The following PJVK variants were observed in gnomAD, a reference collection of about 807,000 sequenced individuals.
PJVK encodes autosomal recessive deafness type 59 protein.
Under a neutral mutation model 37.6 loss-of-function variants are expected in PJVK, and 33 were observed. The ratio of observed to expected loss-of-function variants is 0.88; its 90% confidence interval spans 0.67 to 1.17. PJVK has a LOEUF of 1.17. Ranked by LOEUF, PJVK falls within the 50% of genes most tolerant of loss-of-function variation. The pLI, the probability that PJVK is intolerant of heterozygous loss-of-function variation, is 0.00. For synonymous variants in PJVK, 141 were observed against 143.5 expected (o/e 0.98, Z 0.13); for missense variants, 410 against 413.8 (o/e 0.99, Z 0.08).
chr2:178,461,664 A>C lies in PJVK; in HGVS notation c.*390A>C, dbSNP rs1437427854. ...CAGTGGCATGATCTCAGCTCACTGC[A>C]ACCTCTGCCTCCTGGGTTCAAGCAA... On this transcript the variant is annotated 3_prime_UTR_variant, in exon 7 of 7. Coordinates refer to ENST00000644580, the MANE Select transcript of PJVK (RefSeq NM_001042702.5). Among the ~76,000 whole-genome samples, 1 of 147,140 alleles carries C rather than the reference A, an allele frequency of 6.8e-6. No homozygotes were observed. Among genetic ancestry groups the C allele is most frequent in the Non-Finnish European group, 1.5e-5 (1 of 67,672 alleles).
chr2:178,452,654 A>T, intron 1 of PJVK: 1 of 983,678 alleles, frequency 1.0e-6, no homozygotes, highest in South Asian at 4.7e-5. Flanking sequence ...TAGCTGGGAT[A>T]ATAATGAAAC....
rs1197222324 is a variant in PJVK at position 178,451,435 on chromosome 2, G to A, written c.-357G>A. ...AGTTCTTTGTCCTTAGCAGGAGGCC[G>A]TTTCTTGCCGGGAGAGAGGGATTAG... On this transcript the variant is annotated 5_prime_UTR_variant, in exon 1 of 7. Transcript: ENST00000644580. 2 of 209,808 alleles carry A rather than the reference G, an allele frequency of 9.5e-6. No individual in the cohort carries two copies. The highest frequency in any genetic ancestry group is 2.3e-5 in the African/African-American group (1 of 42,830). The allele number at this position is 209,808 out of a possible 1,614,324, so 13.0% of individuals were successfully genotyped here.
At chr2:178,459,523 T>G (rs1684354726) in intron 5 of PJVK, among the ~76,000 whole-genome samples, 1 of 152,182 alleles carries the variant, frequency 6.6e-6, no homozygotes, top group Non-Finnish European at 1.5e-5. Context: ...CCTCAAGCAT[T>G]TATCCTTTGT....
rs901212935 is a variant in PJVK, at chr2:178,454,946, T to C, written c.407+419T>C. On this transcript the variant is annotated intron_variant, in intron 3 of 6. Transcript: ENST00000644580. ...TAGGCAACAGGGCAGACCTGCCTGA[T>C]TACCGCTGGACCAAGACCCTGTCGG... The C allele has an allele frequency of 4.3e-5, 39 of 904,952 alleles. No individual in the cohort carries two copies. The Middle Eastern group carries it at 1.1e-3, about 25-fold the overall frequency. 56.1% of individuals were successfully genotyped at this position (904,952 alleles called of 1,614,324 possible).
In PJVK at chr2:178,461,211, T is replaced by A; in HGVS notation, c.996T>A (p.Gly332=). 1 of 1,614,190 alleles carries A rather than the reference T, an allele frequency of 6.2e-7. No homozygotes were observed. The highest frequency in any genetic ancestry group is 8.5e-7 in the Non-Finnish European group (1 of 1,180,034). The change falls in exon 7 of 7, where the codon GGT becomes GGA. Residue 332 remains glycine (G), a synonymous_variant. Coordinates refer to ENST00000644580, the MANE Select transcript of PJVK (RefSeq NM_001042702.5). The part of the protein sequence containing the change: ...VYGCFQCSVD[G]QKYVRLHAVP... The stretch of plus-strand genomic sequence containing the variant: ...GGTGCTTTCAGTGTTCTGTTGATGG[T>A]CAGAAGTATGTGAGACTTCATGCAG...
At chr2:178,458,381 C>T in intron 4 of PJVK, 129 bp from the exon 5 acceptor site, 1 of 705,902 alleles carries the variant, frequency 1.4e-6, no homozygotes, top group East Asian at 2.8e-5. Context: ...TTAATTCAAG[C>T]AGAATAATCC....
intron 6 of PJVK, 46 bp from the exon 7 acceptor site, chr2:178,460,936 T>A (rs766607837): frequency 6.3e-7 from 1 of 1,580,162 alleles, no homozygotes; most frequent in African/African-American, 1.3e-5. Context: ...TATGTATTTT[T>A]CATTTTCACT....
rs536912773 is a variant in PJVK, at chr2:178,451,554, G to T, written c.-238G>T. The T allele has an allele frequency of 4.5e-5, 7 of 154,790 alleles. No homozygotes were observed. In the South Asian group the frequency reaches 1.2e-3, roughly 26 times the overall value. 9.6% of individuals were successfully genotyped at this position (154,790 alleles called of 1,614,324 possible). On this transcript the variant is annotated 5_prime_UTR_variant, in exon 1 of 7. Transcript: ENST00000644580. ...GGGGGCTGGGTCACTTTAAGAAAAA[G>T]ATTCTAAAATTACGAAGGCAGAATT...
intron 1 of PJVK, chr2:178,452,716 C>A: frequency 5.0e-6 from 4 of 804,136 alleles, no homozygotes; most frequent in Non-Finnish European, 4.5e-6. Context: ...GTGTGCCCAA[C>A]TTCAGAGTAA....
chr2:178,456,636 C>T (rs972747862), intron 4 of PJVK, among the ~76,000 whole-genome samples: 14 of 152,174 alleles, frequency 9.2e-5, no homozygotes, highest in African/African-American at 2.4e-4. Flanking sequence ...TGTGGTGGTA[C>T]ACCCCTGTAA....
Position 178,453,556 on chromosome 2 carries a change from T to C in PJVK, c.147T>C (p.Tyr49=), listed in dbSNP as rs753312914. Residue 49 remains tyrosine, a synonymous_variant, in exon 2 of 7, where the codon TAT becomes TAC. Transcript: ENST00000644580. ...KKKRCFLFPR[Y]KFTSTPFTLK... ...AGCGATGCTTTCTGTTTCCTAGATA[T>C]AAATTTACTTCAACACCTTTTACAC... The C allele has an allele frequency of 2.7e-5, 44 of 1,613,992 alleles. No homozygotes were observed. The highest frequency in any genetic ancestry group is 3.6e-5 in the Non-Finnish European group (42 of 1,179,990).
chr2:178,455,927 A>G (rs889082728), intron 3 of PJVK, 83 bp from the exon 4 acceptor site: 3 of 1,504,118 alleles, frequency 2.0e-6, no homozygotes, highest in African/African-American at 2.8e-5. Context: ...CTATGAATGA[A>G]TAACACATGA....
At chr2:178,454,880 G>A in intron 3 of PJVK, 1 of 974,902 alleles carries the variant, frequency 1.0e-6, no homozygotes, top group Non-Finnish European at 1.7e-6. Flanking sequence ...AAGATGAGGA[G>A]GAGGAAGATG....
rs112758005 is a variant in PJVK at position 178,453,373 on chromosome 2, A to T, written c.-22-15A>T. ...GATTTTCCTCTTTAAAAATGGATTT[A>T]TCTGGGGGTTGCAGTTGATGACGTT... On this transcript the variant is annotated splice_polypyrimidine_tract_variant and intron_variant, in intron 1 of 6. Coordinates refer to ENST00000644580, the MANE Select transcript of PJVK (RefSeq NM_001042702.5). 1.9e-6 allele frequency: 3 copies of T among 1,610,326 alleles called. No homozygotes were observed. Among genetic ancestry groups the T allele is most frequent in the South Asian group, 2.2e-5 (2 of 90,758 alleles).
At chr2:178,456,900 A>C (rs1684135747) in intron 4 of PJVK, among the ~76,000 whole-genome samples, 1 of 152,232 alleles carries the variant, frequency 6.6e-6, no homozygotes, top group African/African-American at 2.4e-5. Context: ...TTAAGAATAA[A>C]AATTGAGTGC....
chr2:178,454,564 A>G lies in PJVK; in HGVS notation c.407+37A>G. On this transcript the variant is annotated intron_variant, in intron 3 of 6. Transcript: ENST00000644580. ...AATCCTAATATATTTCAGTGTTTTC[A>G]TTAAATACTTTAGGTATATAAACTT... 2.5e-6 allele frequency: 4 copies of G among 1,583,646 alleles called. No homozygotes were observed. In the South Asian group the frequency reaches 3.4e-5, roughly 13 times the overall value.
Position 178,458,616 on chromosome 2 carries a change from A to G in PJVK, c.656A>G (p.Asp219Gly), listed in dbSNP as rs755785248. 1.2e-6 allele frequency: 2 copies of G among 1,612,994 alleles called. No individual in the cohort carries two copies. The highest frequency in any genetic ancestry group is 1.7e-5 in the Admixed American group (1 of 60,018). The change falls in exon 5 of 7, where the codon GAT becomes GGT. Residue 219 changes from aspartate to glycine, a missense_variant. By Grantham distance (94) the Asp-to-Gly change is moderately conservative. Transcript: ENST00000644580. The stretch of plus-strand genomic sequence containing the variant: ...GTTTTTGAACTCTTCATATACCTGG[A>G]TGGTGCCTTTGGTGAGTTAAGGGTC... ...FSVFELFIYL[D>G]GAFDLCVTSV...
intron 5 of PJVK, 78 bp from the exon 6 acceptor site, chr2:178,460,270 A>G: frequency 1.7e-6 from 2 of 1,151,944 alleles, no homozygotes; most frequent in Middle Eastern, 2.5e-4. Context: ...AATGATTTGT[A>G]CTAGAATTCA....
At chr2:178,457,782 C>T (rs1684225770) in intron 4 of PJVK, among the ~76,000 whole-genome samples, 1 of 152,046 alleles carries the variant, frequency 6.6e-6, no homozygotes, top group Non-Finnish European at 1.5e-5. Flanking sequence ...GCAGGAGTGG[C>T]CAGGAGTTCA....
Sources: allele counts gnomAD v4.1 joint callset (sites outside exome capture counted in the v4.1 genomes callset), GRCh38; gene constraint gnomAD v4.1.1; transcripts MANE v1.5; gene names NCBI Gene and HGNC (gene_info 2026-07-23, HGNC 2026-07-21).